NPSR1: variants seen among roughly 807,000 people sequenced by gnomAD.
NPSR1 encodes the protein neuropeptide S receptor.
A neutral mutation model predicts 46.9 loss-of-function variants in NPSR1; 48 were observed. The ratio of observed to expected loss-of-function variants is 1.02; its 90% CI spans 0.81 to 1.30. The LOEUF is 1.30. NPSR1 is among the 50% of genes most tolerant of loss of function. The pLI, the probability that NPSR1 is intolerant of heterozygous loss-of-function variation, is 0.00. For missense variants in NPSR1, 450 were observed against 449.5 expected, an observed-to-expected ratio of 1.00 and a Z score of -0.01; for synonymous variants, 176 against 168.1, an observed-to-expected ratio of 1.05 and a Z score of -0.36.
chr7:34,843,927 G>T (rs1465966265), intron 6 of NPSR1, among the ~76,000 whole-genome samples: 1 of 152,216 alleles, frequency 6.6e-6, no homozygotes, highest in Non-Finnish European at 1.5e-5. Flanking sequence ...TCCTGGCTGA[G>T]AGTTGTGTGG....
chr7:34,747,304 G>A (rs1785254478), intron 2 of NPSR1, among the ~76,000 whole-genome samples: 4 of 152,084 alleles, frequency 2.6e-5, no homozygotes, highest in Admixed American at 2.6e-4. Flanking sequence ...AGCGAGTAAG[G>A]CACAGGGGCC....
At chr7:34,758,624 A>AAG (rs1786000099) in intron 2 of NPSR1, among the ~76,000 whole-genome samples, 1 of 152,200 alleles carries the variant, frequency 6.6e-6, no homozygotes. Flanking sequence ...GTTTACAGAA[A>AAG]ATCTTCAAGA....
chr7:34,796,895 T>C (rs1009850967), intron 3 of NPSR1, among the ~76,000 whole-genome samples: 1 of 152,342 alleles, frequency 6.6e-6, no homozygotes, highest in Non-Finnish European at 1.5e-5. Flanking sequence ...ATCATGTTTA[T>C]TCCTATTTTC....
At position 34,739,604 on chromosome 7, in the gene NPSR1, G is replaced by A. The variant is rs999514662; in HGVS notation, c.281-38858G>A. On this transcript the variant is annotated intron_variant, in intron 2 of 8. Coordinates refer to ENST00000360581, the MANE Select transcript of NPSR1 (RefSeq NM_207172.2). ...TGCATGTCCCACAGGGTATTCCCTT[G>A]ATGTAGTACTCTCCCCACTTTTCCT... Among the ~76,000 whole-genome samples the A allele has an allele frequency of 2.6e-5, 4 of 152,248 alleles. No individual in the cohort carries two copies. The East Asian group carries it at 7.7e-4, about 29-fold the overall frequency.
chr7:34,750,428 C>T (rs1421784167), intron 2 of NPSR1: 6 of 744,182 alleles, frequency 8.1e-6, no homozygotes, highest in South Asian at 5.4e-5. Context: ...GGTAGTACGA[C>T]GGGGCTCTGG....
At chr7:34,860,435 T>C (rs1193055832) in intron 8 of NPSR1, among the ~76,000 whole-genome samples, 2 of 151,882 alleles carry the variant, frequency 1.3e-5, no homozygotes, top group East Asian at 1.9e-4. Flanking sequence ...CAAATAACAA[T>C]AATAAACTCA....
chr7:34,776,938 T>C (rs1053380613), intron 2 of NPSR1, among the ~76,000 whole-genome samples: 5 of 152,182 alleles, frequency 3.3e-5, no homozygotes, highest in African/African-American at 1.2e-4. Context: ...GTATCCAAGA[T>C]GTAAGACAAA....
chr7:34,781,512 C>A (rs1038457888), intron 3 of NPSR1, among the ~76,000 whole-genome samples: 2 of 152,186 alleles, frequency 1.3e-5, no homozygotes, highest in African/African-American at 4.8e-5. Flanking sequence ...AAGGTGGAAG[C>A]TATCAGTATT....
chr7:34,863,194 G>A (rs990856197), intron 8 of NPSR1, among the ~76,000 whole-genome samples: 1 of 151,716 alleles, frequency 6.6e-6, no homozygotes, highest in African/African-American at 2.4e-5. Flanking sequence ...AAAACTGAAA[G>A]TGGACCCGTT....
intron 3 of NPSR1, 64 bp downstream of exon 3, chr7:34,778,629 T>TAA: frequency 2.8e-6 from 3 of 1,055,520 alleles, no homozygotes; most frequent in Non-Finnish European, 4.4e-6. Context: ...TAGATTTATC[T>TAA]AAGGAAAATC....
chr7:34,818,806 C>G (rs978079974), intron 4 of NPSR1, among the ~76,000 whole-genome samples: 1 of 152,146 alleles, frequency 6.6e-6, no homozygotes, highest in South Asian at 2.1e-4. Context: ...CTGACAAAAA[C>G]AAGAAATGGG....
At chr7:34,778,628 C>G in intron 3 of NPSR1, 63 bp downstream of exon 3, 2 of 1,064,382 alleles carry the variant, frequency 1.9e-6, no homozygotes, top group Non-Finnish European at 1.4e-6. Flanking sequence ...TTAGATTTAT[C>G]TAAGGAAAAT....
intron 8 of NPSR1, among the ~76,000 whole-genome samples, chr7:34,870,750 T>A (rs1409112288): frequency 6.6e-6 from 1 of 151,616 alleles, no homozygotes; most frequent in African/African-American, 2.4e-5. Flanking sequence ...TTTATGAAAA[T>A]CTTGTGAGGC....
At chr7:34,834,908 G>A (rs1790297002) in intron 6 of NPSR1, among the ~76,000 whole-genome samples, 1 of 152,200 alleles carries the variant, frequency 6.6e-6, no homozygotes, top group African/African-American at 2.4e-5. Context: ...TGGACCCTTA[G>A]CCAGTAAAGG....
chr7:34,808,904 G>A (rs1788842175), intron 3 of NPSR1, among the ~76,000 whole-genome samples: 1 of 152,080 alleles, frequency 6.6e-6, no homozygotes, highest in Admixed American at 6.5e-5. Context: ...GCCTGAAGAT[G>A]GTTAATCTCT....
chr7:34,805,871 A>G (rs868130490), intron 3 of NPSR1, among the ~76,000 whole-genome samples: 2 of 152,074 alleles, frequency 1.3e-5, no homozygotes, highest in Admixed American at 6.6e-5. Context: ...AAAACGGCCA[A>G]AAGATCTGAA....
chr7:34,791,257 A>ATTATATTATATATGTTATATGTTATATG (rs1787864386), intron 3 of NPSR1, among the ~76,000 whole-genome samples: 1 of 126,506 alleles, frequency 7.9e-6, no homozygotes, highest in Non-Finnish European at 1.6e-5. Flanking sequence ...TATGTTATAT[A>ATTATATTATATATGTTATATGTTATATG]TTATATGTTA....
intron 7 of NPSR1, among the ~76,000 whole-genome samples, chr7:34,848,026 T>C (rs944937388): frequency 7.9e-5 from 12 of 152,194 alleles, no homozygotes; most frequent in Non-Finnish European, 1.5e-4. Context: ...TTAGAAAATA[T>C]TGTGATCACC....
chr7:34,687,713 A>G (rs1455562415), intron 2 of NPSR1, among the ~76,000 whole-genome samples: 1 of 152,190 alleles, frequency 6.6e-6, no homozygotes, highest in African/African-American at 2.4e-5. Context: ...AAACCATATC[A>G]TATATTATGT....
Sources: gnomAD v4.1 joint callset for allele counts (sites outside exome capture counted in the v4.1 genomes callset) on GRCh38, gnomAD v4.1.1 for gene constraint, MANE v1.5 for transcripts, NCBI Gene and HGNC (gene_info 2026-07-23, HGNC 2026-07-21) for gene names.